TRPS1: variants seen among roughly 807,000 people sequenced by gnomAD.
TRPS1 encodes transcriptional repressor GATA binding 1.
Under a neutral mutation model 101.2 loss-of-function variants are expected in TRPS1, and 6 were observed. The ratio of observed to expected loss-of-function variants is 0.06; its 90% confidence interval spans 0.03 to 0.12. The LOEUF is 0.12. Among genes scored for constraint, TRPS1 ranks in the 10% least tolerant of loss-of-function variants. The pLI is 1.00. For missense variants in TRPS1, 1,363 were observed against 1,567.0 expected (o/e 0.87, Z 2.20); for synonymous variants, 578 against 589.8 (o/e 0.98, Z 0.29).
intron 5 of TRPS1, among the ~76,000 whole-genome samples, chr8:115,458,165 C>T (rs1000893096): frequency 5.9e-5 from 9 of 151,996 alleles, no homozygotes; most frequent in African/African-American, 1.7e-4. Flanking sequence ...ATGGGATTCC[C>T]GAGGGATACG....
intron 1 of TRPS1, among the ~76,000 whole-genome samples, chr8:115,628,575 T>A (rs1049657698): frequency 7.9e-5 from 12 of 151,828 alleles, no homozygotes; most frequent in African/African-American, 1.4e-4. Context: ...TCCTGACTTC[T>A]AGGATATGAA....
At chr8:115,495,115 G>A (rs1170990440) in intron 5 of TRPS1, among the ~76,000 whole-genome samples, 1 of 152,046 alleles carries the variant, frequency 6.6e-6, no homozygotes, top group Non-Finnish European at 1.5e-5. Flanking sequence ...ATGTACCATG[G>A]CTACTTTTAA....
intron 5 of TRPS1, among the ~76,000 whole-genome samples, chr8:115,498,434 T>C (rs1815219664): frequency 7.4e-6 from 1 of 135,528 alleles, no homozygotes; most frequent in South Asian, 2.3e-4. Context: ...TATATATATA[T>C]ATATATATAT....
chr8:115,647,474 T>C (rs796106212), intron 1 of TRPS1, among the ~76,000 whole-genome samples: 12 of 152,292 alleles, frequency 7.9e-5, no homozygotes, highest in African/African-American at 2.9e-4. Flanking sequence ...TAGCCTTATA[T>C]ACATATATAG....
intron 5 of TRPS1, among the ~76,000 whole-genome samples, chr8:115,584,936 A>C (rs1377700818): frequency 2.0e-5 from 3 of 152,178 alleles, no homozygotes; most frequent in Non-Finnish European, 2.9e-5. Context: ...TAAAATGTGA[A>C]TCTTAAAAGA....
chr8:115,442,614 A>T (rs906732662), intron 5 of TRPS1, among the ~76,000 whole-genome samples: 5 of 150,386 alleles, frequency 3.3e-5, no homozygotes, highest in African/African-American at 2.5e-5. Context: ...TGGGGGAAGG[A>T]AGGGGTTACA....
At chr8:115,493,445 A>G (rs1204341561) in intron 5 of TRPS1, among the ~76,000 whole-genome samples, 2 of 151,942 alleles carry the variant, frequency 1.3e-5, no homozygotes, top group African/African-American at 4.8e-5. Flanking sequence ...TGCCTCCCGG[A>G]TTCAAGTGTT....
intron 1 of TRPS1, 38 bp from the exon 2 acceptor site, chr8:115,623,796 A>G: frequency 7.0e-7 from 1 of 1,419,994 alleles, no homozygotes; most frequent in Non-Finnish European, 9.2e-7. Flanking sequence ...TCCTTCCTAA[A>G]TGATGTAAAC....
chr8:115,607,341 A>G (rs573023365), intron 3 of TRPS1, among the ~76,000 whole-genome samples: 1 of 152,218 alleles, frequency 6.6e-6, no homozygotes, highest in Admixed American at 6.5e-5. Flanking sequence ...GTGAAAAATT[A>G]TCAGTAAAGC....
intron 5 of TRPS1, among the ~76,000 whole-genome samples, chr8:115,485,329 A>C (rs1814852051): frequency 6.6e-6 from 1 of 152,206 alleles, no homozygotes; most frequent in African/African-American, 2.4e-5. Context: ...GAGAGCTTGG[A>C]AAAGTACTCT....
intron 2 of TRPS1, among the ~76,000 whole-genome samples, chr8:115,622,929 A>G (rs2130541707): frequency 6.6e-6 from 1 of 152,286 alleles, no homozygotes. Flanking sequence ...AAGTGAATAG[A>G]TCTAAATACA....
chr8:115,523,945 A>G (rs1323609477), intron 5 of TRPS1, among the ~76,000 whole-genome samples: 3 of 152,190 alleles, frequency 2.0e-5, no homozygotes, highest in Admixed American at 2.0e-4. Flanking sequence ...TTTTAAGACT[A>G]GTTTAGCCTT....
intron 5 of TRPS1, among the ~76,000 whole-genome samples, chr8:115,424,926 G>A (rs800892): frequency 0.43 from 65,646 of 151,852 alleles, 14,782 homozygotes; most frequent in East Asian, 0.55. Flanking sequence ...TCTATCATGC[G>A]CCACTAGGAG....
chr8:115,581,176 C>T (rs938246813), intron 5 of TRPS1, among the ~76,000 whole-genome samples: 5 of 150,772 alleles, frequency 3.3e-5, no homozygotes, highest in African/African-American at 1.2e-4. Flanking sequence ...CATGTTCTCA[C>T]TTATATGTGG....
At chr8:115,456,173 G>GT (rs1163087151) in intron 5 of TRPS1, among the ~76,000 whole-genome samples, 2 of 152,052 alleles carry the variant, frequency 1.3e-5, no homozygotes, top group African/African-American at 4.8e-5. Context: ...AATAATTGCA[G>GT]TTTTTTTCTA....
intron 5 of TRPS1, among the ~76,000 whole-genome samples, chr8:115,559,465 G>T (rs775626817): frequency 4.7e-4 from 72 of 151,994 alleles, no homozygotes; most frequent in Non-Finnish European, 7.6e-4. Context: ...TAGGTCTCAC[G>T]CACCACAAAT....
At chr8:115,634,083 T>G (rs1304303526) in intron 1 of TRPS1, among the ~76,000 whole-genome samples, 2 of 152,170 alleles carry the variant, frequency 1.3e-5, no homozygotes, top group Non-Finnish European at 2.9e-5. Context: ...TCCTTAAAAC[T>G]ATTTCATGTG....
intron 5 of TRPS1, among the ~76,000 whole-genome samples, chr8:115,537,518 A>G (rs932297945): frequency 2.6e-5 from 4 of 152,186 alleles, no homozygotes; most frequent in South Asian, 2.1e-4. Flanking sequence ...CACAAAACCC[A>G]TAAGTCGATG....
intron 5 of TRPS1, among the ~76,000 whole-genome samples, chr8:115,485,698 C>T (rs1034087662): frequency 2.6e-5 from 4 of 151,666 alleles, no homozygotes; most frequent in African/African-American, 4.8e-5. Flanking sequence ...GAAGCTGAGG[C>T]GAAAAGGCAC....
Sources: allele counts gnomAD v4.1 joint callset (sites outside exome capture counted in the v4.1 genomes callset), GRCh38; gene constraint gnomAD v4.1.1; transcripts MANE v1.5; gene names NCBI Gene and HGNC (gene_info 2026-07-23, HGNC 2026-07-21).